PTPRB: variants seen among roughly 807,000 people sequenced by gnomAD.
PTPRB encodes receptor-type tyrosine-protein phosphatase beta.
PTPRB carries 97 observed loss-of-function variants against 238.1 expected under a neutral mutation model. The observed-to-expected ratio is 0.41, with a 90% CI of 0.35 to 0.48. The LOEUF is 0.48. Ranked by LOEUF, PTPRB falls within the 20% of genes least tolerant of loss-of-function variation. The pLI, the probability that PTPRB is intolerant of heterozygous loss-of-function variation, is 0.30. For missense variants in PTPRB, 2,292 were observed against 2,681.9 expected (o/e 0.85, Z 3.21); for synonymous variants, 970 against 995.4 (o/e 0.97, Z 0.48).
At chr12:70,588,095 C>CAAAAAAAAAAAAAAAA (rs10558140) in intron 8 of PTPRB, among the ~76,000 whole-genome samples, 4 of 104,652 alleles carry the variant, frequency 3.8e-5, no homozygotes, top group Non-Finnish European at 5.6e-5. Flanking sequence ...GACTCTGTCT[C>CAAAAAAAAAAAAAAAA]AAAAAAAAAA....
intron 13 of PTPRB, among the ~76,000 whole-genome samples, 164 bp from the exon 14 acceptor site, chr12:70,570,102 A>C (rs1414584074): frequency 6.6e-6 from 1 of 152,120 alleles, no homozygotes. Context: ...TGTGTGAACT[A>C]AAGTTGATGG....
In PTPRB at chr12:70,598,069, A is replaced by C. The variant is rs201114446; in HGVS notation, c.980-1742T>G. 4.6e-5 allele frequency among the ~76,000 whole-genome samples: 7 copies of C among 152,342 alleles called. No homozygotes were observed. The East Asian group carries it at 7.7e-4, about 17-fold the overall frequency. ...AAAATTAACAGAGTGCCCGAAACAC[A>C]GGTGAGCTTGGAAGACAAGGTTGCA... On this transcript the variant is annotated intron_variant, in intron 4 of 33. Coordinates refer to ENST00000334414, the MANE Select transcript of PTPRB (RefSeq NM_001109754.4).
At chr12:70,573,926 G>A (rs1173827089) in intron 11 of PTPRB, among the ~76,000 whole-genome samples, 1 of 152,144 alleles carries the variant, frequency 6.6e-6, no homozygotes, top group Non-Finnish European at 1.5e-5. Context: ...GAACACTGTG[G>A]AATAAGGCAA....
intron 32 of PTPRB, chr12:70,527,654 G>A (rs1872617540): frequency 6.6e-6 from 1 of 152,178 alleles, no homozygotes; most frequent in South Asian, 2.1e-4. Context: ...CAAATCCCCT[G>A]ACCAATGCCT....
chr12:70,610,429 C>A (rs527806222), intron 3 of PTPRB, among the ~76,000 whole-genome samples: 2 of 151,532 alleles, frequency 1.3e-5, no homozygotes, highest in Non-Finnish European at 2.9e-5. Flanking sequence ...GCGTCTCCCC[C>A]TCCCTATCTT....
At chr12:70,575,386 C>T (rs1466640333) in intron 11 of PTPRB, among the ~76,000 whole-genome samples, 1 of 152,230 alleles carries the variant, frequency 6.6e-6, no homozygotes, top group East Asian at 1.9e-4. Flanking sequence ...TGATAAAAGC[C>T]ATGGACTGTT....
intron 20 of PTPRB, 36 bp from the exon 21 acceptor site, chr12:70,553,056 C>G (rs1877140117): frequency 6.3e-7 from 1 of 1,592,426 alleles, no homozygotes; most frequent in African/African-American, 1.3e-5. Flanking sequence ...GACTGCCTTT[C>G]TTGTGACTTA....
At chr12:70,612,748 A>C (rs1415716567) in intron 3 of PTPRB, among the ~76,000 whole-genome samples, 1 of 152,116 alleles carries the variant, frequency 6.6e-6, no homozygotes, top group African/African-American at 2.4e-5. Flanking sequence ...GCACTTTGGG[A>C]GGCTGAGGCA....
At chr12:70,536,867 C>G (rs1249597188) in intron 28 of PTPRB, among the ~76,000 whole-genome samples, 2 of 152,192 alleles carry the variant, frequency 1.3e-5, no homozygotes, top group Admixed American at 1.3e-4. Flanking sequence ...CTTGGCTGAG[C>G]CTTCTTTTAT....
At chr12:70,632,832 C>T (rs1885516080) in intron 2 of PTPRB, among the ~76,000 whole-genome samples, 1 of 152,132 alleles carries the variant, frequency 6.6e-6, no homozygotes, top group Non-Finnish European at 1.5e-5. Flanking sequence ...AGGTTTTATA[C>T]TCTAGTATTA....
At position 70,556,153 on chromosome 12, in the gene PTPRB, A is replaced by G. The variant is rs1312149175; in HGVS notation, c.4715-5T>C. The G allele has an allele frequency of 6.8e-6, 11 of 1,608,884 alleles. No individual in the cohort carries two copies. The highest frequency in any genetic ancestry group is 1.7e-4 in the Middle Eastern group (1 of 6,042). On this transcript the variant is annotated splice_polypyrimidine_tract_variant and splice_region_variant and intron_variant, in intron 18 of 33. Transcript: ENST00000334414. ...GGTTTTGTATCTTGTCAGGCTCTAA[A>G]GGAAACAGAGGAGGCAACACTTTTC...
At chr12:70,574,579 G>A (rs911784419) in intron 11 of PTPRB, among the ~76,000 whole-genome samples, 7 of 152,212 alleles carry the variant, frequency 4.6e-5, no homozygotes, top group Admixed American at 2.6e-4. Flanking sequence ...CAGGTGGAAC[G>A]GGGTAATTTG....
chr12:70,603,017 A>G (rs1883645179), intron 4 of PTPRB, among the ~76,000 whole-genome samples: 1 of 150,654 alleles, frequency 6.6e-6, no homozygotes, highest in African/African-American at 2.4e-5. Context: ...CTAGGAATGG[A>G]AGGCAAACAG....
intron 21 of PTPRB, among the ~76,000 whole-genome samples, chr12:70,548,344 TCTCA>T (rs1190714862): frequency 7.8e-4 from 16 of 20,490 alleles, no homozygotes; most frequent in African/African-American, 1.7e-3. Flanking sequence ...TCTCTCTCTC[TCTCA>T]CACACACACA....
At chr12:70,631,234 T>C (rs1381119184) in intron 2 of PTPRB, among the ~76,000 whole-genome samples, 1 of 152,200 alleles carries the variant, frequency 6.6e-6, no homozygotes, top group South Asian at 2.1e-4. Flanking sequence ...AACAGAGATA[T>C]AGACCAATGG....
At chr12:70,631,548 G>A (rs1566027060) in intron 2 of PTPRB, among the ~76,000 whole-genome samples, 1 of 152,120 alleles carries the variant, frequency 6.6e-6, no homozygotes, top group African/African-American at 2.4e-5. Context: ...AACACCAAAA[G>A]CAATGGCAAC....
At position 70,563,047 on chromosome 12, in the gene PTPRB, C is replaced by T. The variant is rs376975449; in HGVS notation, c.3965G>A (p.Arg1322His). Reference protein sequence around the residue: ...TENSTRHLSFRWTASEGELSW... With the variant: ...TENSTRHLSFHWTASEGELSW... ...GAGCTCCCCCTCTGAGGCGGTCCAG[C>T]GGAAGGACAGGTGCCTGGTGGAGTT... The change falls in exon 16 of 34, where the codon CGC becomes CAC. Residue 1322 changes from arginine to histidine, a missense_variant. This residue lies in a region of PTPRB where 683 missense variants were observed against 862.0 expected (regional missense o/e 0.79). Coordinates refer to ENST00000334414, the MANE Select transcript of PTPRB (RefSeq NM_001109754.4). The T allele has an allele frequency of 5.3e-5, 86 of 1,613,650 alleles. No homozygotes were observed. Among genetic ancestry groups the T allele is most frequent in the Admixed American group, 1.3e-4 (8 of 59,996 alleles).
rs550630975 is a variant in PTPRB at position 70,635,703 on chromosome 12, T to C, written c.419A>G (p.Lys140Arg). The C allele has an allele frequency of 9.9e-6, 16 of 1,613,984 alleles. No homozygotes were observed. In the African/African-American group the frequency reaches 2.0e-4, roughly 20 times the overall value. Reference sequence around the variant, plus strand: ...TAAACAGAGGCTTTCATTGACCAGTTTTCCCTCCTTGTTGACATCTATTTT... The same window carrying C: ...TAAACAGAGGCTTTCATTGACCAGTCTTCCCTCCTTGTTGACATCTATTTT... ...WMKIDVNKEG[K>R]LVNESLCLQK... is the part of the protein sequence containing the mutation. Residue 140 changes from lysine to arginine, a missense_variant, in exon 2 of 34, where the codon AAA becomes AGA. Lys to Arg is a conservative substitution (Grantham distance 26). Coordinates refer to ENST00000334414, the MANE Select transcript of PTPRB (RefSeq NM_001109754.4).
At chr12:70,608,442 G>A (rs541996248) in intron 4 of PTPRB, among the ~76,000 whole-genome samples, 3 of 152,154 alleles carry the variant, frequency 2.0e-5, no homozygotes, top group Non-Finnish European at 4.4e-5. Flanking sequence ...GGCAAACTCT[G>A]AACATATCCA....
Sources: gnomAD v4.1 joint callset for allele counts (sites outside exome capture counted in the v4.1 genomes callset) on GRCh38, gnomAD v4.1.1 for gene constraint, gnomAD v4.1.1 regional missense constraint, MANE v1.5 for transcripts, NCBI Gene and HGNC (gene_info 2026-07-23, HGNC 2026-07-21) for gene names.